CHLSN: variants seen among roughly 807,000 people sequenced by gnomAD.
The protein encoded by CHLSN is cholesin.
chr7:1,010,095 G>C, the CHLSN span: 1 of 1,612,908 alleles, frequency 6.2e-7, no homozygotes, highest in African/African-American at 1.3e-5. Flanking sequence ...TGCTCCTCTG[G>C]GGACAGCTCT....
chr7:1,036,246 C>T, the CHLSN span, among the ~76,000 whole-genome samples: 1 of 152,208 alleles, frequency 6.6e-6, no homozygotes, highest in African/African-American at 2.4e-5. Context: ...AGGGGCCCCC[C>T]ATAAGCTGCG....
chr7:984,923 C>T, the CHLSN span: 1 of 1,559,390 alleles, frequency 6.4e-7, no homozygotes, highest in Admixed American at 1.8e-5. Context: ...GGAACCTGGG[C>T]TCACCACGCA....
the CHLSN span, chr7:988,479 C>A: frequency 6.9e-6 from 11 of 1,603,976 alleles, no homozygotes; most frequent in South Asian, 2.2e-5. Flanking sequence ...GTGGGACGGC[C>A]CCAGCTCCGC....
chr7:1,099,978 T>C, the CHLSN span, among the ~76,000 whole-genome samples: 6 of 152,196 alleles, frequency 3.9e-5, no homozygotes, highest in East Asian at 1.9e-4. Context: ...ATCTGAGCTA[T>C]GGAACCTGGG....
the CHLSN span, among the ~76,000 whole-genome samples, chr7:1,001,724 G>T: frequency 8.3e-6 from 1 of 120,504 alleles, no homozygotes; most frequent in African/African-American, 3.4e-5. Flanking sequence ...TGGGTTAGTG[G>T]AGTCCTGTGG....
At chr7:1,017,346 G>C in the CHLSN span, among the ~76,000 whole-genome samples, 2 of 152,054 alleles carry the variant, frequency 1.3e-5, no homozygotes, top group African/African-American at 4.8e-5. Flanking sequence ...AGGGGCTGCA[G>C]GGAAGGACAC....
chr7:999,507 C>T, the CHLSN span, among the ~76,000 whole-genome samples: 3 of 152,158 alleles, frequency 2.0e-5, no homozygotes, highest in African/African-American at 4.8e-5. Flanking sequence ...CCCAGGAGGT[C>T]GAGGCTGCAG....
the CHLSN span, among the ~76,000 whole-genome samples, chr7:1,014,205 G>C: frequency 4.6e-5 from 7 of 152,390 alleles, no homozygotes; most frequent in African/African-American, 1.7e-4. Flanking sequence ...GCTGGGAGGA[G>C]CAAAGTGGAT....
the CHLSN span, among the ~76,000 whole-genome samples, chr7:1,064,394 G>A: frequency 6.6e-6 from 1 of 152,094 alleles, no homozygotes; most frequent in Admixed American, 6.5e-5. Flanking sequence ...GGGACTCTGA[G>A]GAGACGCTGT....
At chr7:981,854 C>A in the CHLSN span, among the ~76,000 whole-genome samples, 2 of 152,122 alleles carry the variant, frequency 1.3e-5, no homozygotes, top group Non-Finnish European at 2.9e-5. Flanking sequence ...GTAGCAGGAC[C>A]TCCATTTCTA....
the CHLSN span, among the ~76,000 whole-genome samples, chr7:1,016,849 ACAG>A: frequency 1.1e-5 from 1 of 89,554 alleles, no homozygotes; most frequent in Non-Finnish European, 2.3e-5. Flanking sequence ...ACGCCAGCAC[ACAG>A]CAGCACACAG....
At chr7:985,797 T>C in the CHLSN span, among the ~76,000 whole-genome samples, 5 of 152,232 alleles carry the variant, frequency 3.3e-5, no homozygotes, top group Non-Finnish European at 5.9e-5. Flanking sequence ...TGGTATTTGA[T>C]GTGCGTTTAC....
At chr7:1,092,432 C>CGTA in the CHLSN span, 2 of 1,608,598 alleles carry the variant, frequency 1.2e-6, no homozygotes, top group East Asian at 4.5e-5. Context: ...CTGTGCTACT[C>CGTA]CCTCATTGTC....
chr7:1,041,132 T>C, the CHLSN span, among the ~76,000 whole-genome samples: 11 of 136,290 alleles, frequency 8.1e-5, no homozygotes, highest in Non-Finnish European at 3.4e-5. Context: ...ATGGAGAGAC[T>C]GCAGGAGGGA....
chr7:1,048,680 A>G, the CHLSN span, among the ~76,000 whole-genome samples: 1 of 152,220 alleles, frequency 6.6e-6, no homozygotes, highest in Non-Finnish European at 1.5e-5. Context: ...AATAAGACAT[A>G]GGAAGAAAGA....
At chr7:993,933 G>GC in the CHLSN span, among the ~76,000 whole-genome samples, 623 of 151,768 alleles carry the variant, frequency 4.1e-3, 5 homozygotes, top group African/African-American at 9.6e-3. Flanking sequence ...CTCAGAGGCC[G>GC]CTTCCTCAGA....
At chr7:999,863 G>A in the CHLSN span, among the ~76,000 whole-genome samples, 1 of 152,248 alleles carries the variant, frequency 6.6e-6, no homozygotes, top group South Asian at 2.1e-4. Context: ...GCTCCAGCCC[G>A]CCGCCCAGCA....
chr7:1,042,142 A>AT, the CHLSN span, among the ~76,000 whole-genome samples: 1 of 151,362 alleles, frequency 6.6e-6, no homozygotes, highest in Non-Finnish European at 1.5e-5. Flanking sequence ...CAACTAGGGC[A>AT]CCCCCCACCC....
At chr7:1,098,764 G>C in the CHLSN span, among the ~76,000 whole-genome samples, 1 of 152,362 alleles carries the variant, frequency 6.6e-6, no homozygotes, top group Admixed American at 6.5e-5. Context: ...CCGCCAATGT[G>C]AAACGTGCAG....
Sources: allele counts gnomAD v4.1 joint callset (sites outside exome capture counted in the v4.1 genomes callset), GRCh38; gene constraint gnomAD v4.1.1; transcripts MANE v1.5; gene names NCBI Gene and HGNC (gene_info 2026-07-23, HGNC 2026-07-21).